CHN1: variants seen among roughly 807,000 people sequenced by gnomAD.
CHN1 encodes chimerin 1.
In CHN1, 37 loss-of-function variants were observed where a neutral mutation model predicts 59.5. The ratio of observed to expected loss-of-function variants is 0.62; its 90% CI spans 0.48 to 0.82. The LOEUF (loss-of-function observed/expected upper bound fraction) is 0.82, where lower values mean the gene tolerates loss of function less well. CHN1 is among the 40% of genes least tolerant of loss of function. The probability of loss-of-function intolerance (pLI) is 0.00; values close to 1 mark genes in which losing one functional copy is unlikely to be tolerated. For synonymous variants in CHN1, 206 were observed against 200.4 expected (o/e 1.03, Z -0.24); for missense variants, 469 against 571.0 (o/e 0.82, Z 1.82).
At chr2:174,917,184 A>G (rs1688871451) in intron 4 of CHN1, among the ~76,000 whole-genome samples, 1 of 152,048 alleles carries the variant, frequency 6.6e-6, no homozygotes, top group African/African-American at 2.4e-5. Flanking sequence ...TATAATCCCA[A>G]CACTTTGGGA....
chr2:174,936,086 T>A (rs528275635), intron 3 of CHN1, among the ~76,000 whole-genome samples: 1 of 152,214 alleles, frequency 6.6e-6, no homozygotes, highest in Non-Finnish European at 1.5e-5. Context: ...CACTGACTTG[T>A]GTTTCAGTAC....
At position 174,918,557 on chromosome 2, in the gene CHN1, G is replaced by A. The variant is rs1292363262; in HGVS notation, c.123C>T (p.Asn41=). The A allele has an allele frequency of 1.3e-6, 2 of 1,591,258 alleles. No homozygotes were observed. The highest frequency in any genetic ancestry group is 1.7e-6 in the Non-Finnish European group (2 of 1,167,836). The part of the protein sequence containing the change: ...RRITCTCEVE[N]RPKYYGREFH... The stretch of plus-strand genomic sequence containing the variant: ...ACTCTCTTCCATAATACTTTGGTCT[G>A]TTTTCCACCTATTGGGAAAGCAAAA... The change falls in exon 4 of 13, where the codon AAC becomes AAT. Residue 41 remains asparagine, a synonymous_variant. Transcript: ENST00000409900.
rs10179881 is a variant in CHN1, at chr2:174,878,543, A to G, written c.261-415T>C. 2.3e-3 allele frequency among the ~76,000 whole-genome samples: 347 copies of G among 152,362 alleles called. 4 individuals are homozygous for G. The highest frequency in any genetic ancestry group is 7.4e-3 in the African/African-American group (309 of 41,586). ...GTTGATCAATAAGAATATTCAATGT[A>G]CTTTAGACCTCAGCAGTCATGTATT... On this transcript the variant is annotated intron_variant, in intron 5 of 12. Transcript: ENST00000409900.
At chr2:174,839,545 T>C (rs1167800115) in intron 7 of CHN1, among the ~76,000 whole-genome samples, 1 of 152,200 alleles carries the variant, frequency 6.6e-6, no homozygotes, top group African/African-American at 2.4e-5. Flanking sequence ...GAGTATCTTC[T>C]AGAAACTTGT....
At chr2:174,826,941 T>C (rs1685704893) in intron 7 of CHN1, among the ~76,000 whole-genome samples, 1 of 152,200 alleles carries the variant, frequency 6.6e-6, no homozygotes, top group Non-Finnish European at 1.5e-5. Flanking sequence ...GGGTTGTTTT[T>C]TTTTGTTTTT....
intron 7 of CHN1, 100 bp from the exon 8 acceptor site, chr2:174,824,618 A>G (rs892885375): frequency 6.0e-6 from 3 of 502,446 alleles, no homozygotes; most frequent in Non-Finnish European, 1.0e-5. Context: ...CATATTCTAT[A>G]TATATATATA....
chr2:174,883,753 C>T (rs1309022161), intron 5 of CHN1, among the ~76,000 whole-genome samples: 1 of 151,712 alleles, frequency 6.6e-6, no homozygotes, highest in Non-Finnish European at 1.5e-5. Flanking sequence ...TTTCCTGTTC[C>T]TATTCTTGAA....
In CHN1 at chr2:175,004,951, C is replaced by T. The variant is rs1438838616; in HGVS notation, c.-39G>A. On this transcript the variant is annotated 5_prime_UTR_variant, in exon 1 of 13. Coordinates refer to ENST00000409900, the MANE Select transcript of CHN1 (RefSeq NM_001822.7). ...GCCGCCGCCCGCGAGTCCAGGCGCT[C>T]CTCCCAGGCGGGCTAGGGATCACCT... The T allele has an allele frequency of 6.6e-7, 1 of 1,523,694 alleles. No individual in the cohort carries two copies. Among genetic ancestry groups the T allele is most frequent in the Admixed American group, 2.0e-5 (1 of 49,258 alleles). The allele number at this position is 1,523,694 out of a possible 1,614,324, so 94.4% of individuals were successfully genotyped here.
intron 7 of CHN1, among the ~76,000 whole-genome samples, chr2:174,837,994 T>G (rs1188065552): frequency 6.6e-6 from 1 of 152,224 alleles, no homozygotes; most frequent in East Asian, 1.9e-4. Context: ...ATGGAGTACT[T>G]GACAACATAG....
At chr2:175,002,556 G>T (rs1028952169) in intron 1 of CHN1, among the ~76,000 whole-genome samples, 6 of 152,124 alleles carry the variant, frequency 3.9e-5, no homozygotes, top group Admixed American at 2.0e-4. Flanking sequence ...CCTATAAAAA[G>T]AACATTTCTT....
intron 7 of CHN1, chr2:174,846,362 G>T (rs187003360): frequency 1.3e-6 from 2 of 1,549,012 alleles, no homozygotes; most frequent in East Asian, 4.9e-5. Context: ...GCTAGTGTCA[G>T]CAGCATCAAC....
chr2:175,001,363 C>A (rs1056549109), intron 1 of CHN1, among the ~76,000 whole-genome samples: 6 of 152,136 alleles, frequency 3.9e-5, no homozygotes, highest in African/African-American at 1.4e-4. Context: ...TCAGGACATT[C>A]CTATGGGAAA....
At chr2:174,848,216 C>T (rs1330666865) in intron 6 of CHN1, among the ~76,000 whole-genome samples, 1 of 151,406 alleles carries the variant, frequency 6.6e-6, no homozygotes, top group East Asian at 1.9e-4. Flanking sequence ...CTAGTCTCAA[C>T]ATTTTTTTTA....
At chr2:174,970,651 T>C (rs552640064) in intron 1 of CHN1, among the ~76,000 whole-genome samples, 211 of 152,290 alleles carry the variant, frequency 1.4e-3, no homozygotes, top group South Asian at 3.3e-3. Context: ...CGTAGGATAA[T>C]ACAGTATCAT....
At chr2:174,874,872 C>CTTTTTT (rs11406785) in intron 6 of CHN1, among the ~76,000 whole-genome samples, 2 of 122,714 alleles carry the variant, frequency 1.6e-5, no homozygotes, top group Admixed American at 9.3e-5. Flanking sequence ...TTTATTTATT[C>CTTTTTT]TTTTTTTTTT....
At chr2:174,839,490 A>C (rs966440768) in intron 7 of CHN1, among the ~76,000 whole-genome samples, 2 of 152,198 alleles carry the variant, frequency 1.3e-5, no homozygotes, top group African/African-American at 4.8e-5. Flanking sequence ...AGAATAGAAG[A>C]GTGGCTGCTG....
At position 174,946,444 on chromosome 2, in the gene CHN1, T is replaced by C. The variant is rs147513937; in HGVS notation, c.59-1501A>G. ...AAACACAAAGCCACTTCATCAGGAATGTTTAAATTCTACTGGTAGAAATGT... is the reference window on the plus strand; with the variant it reads ...AAACACAAAGCCACTTCATCAGGAACGTTTAAATTCTACTGGTAGAAATGT... On this transcript the variant is annotated intron_variant, in intron 2 of 12. Transcript: ENST00000409900. Among the ~76,000 whole-genome samples the C allele has an allele frequency of 1.3e-3, 199 of 152,312 alleles. 4 individuals are homozygous for C. The East Asian group carries it at 0.029, about 22-fold the overall frequency.
chr2:174,814,404 G>C (rs1023863364), intron 8 of CHN1, among the ~76,000 whole-genome samples: 1 of 152,152 alleles, frequency 6.6e-6, no homozygotes, highest in Non-Finnish European at 1.5e-5. Flanking sequence ...ATACATAAGA[G>C]ATCTGACTCA....
At chr2:174,810,428 C>G (rs6711283) in intron 10 of CHN1, among the ~76,000 whole-genome samples, 21,643 of 152,082 alleles carry the variant, frequency 0.14, 3,898 homozygotes, top group African/African-American at 0.42. Flanking sequence ...ATTTTCTATA[C>G]AGGAAACTGT....
Sources: allele counts gnomAD v4.1 joint callset (sites outside exome capture counted in the v4.1 genomes callset), GRCh38; gene constraint gnomAD v4.1.1; transcripts MANE v1.5; gene names NCBI Gene and HGNC (gene_info 2026-07-23, HGNC 2026-07-21).